The following TECPR2 variants were observed in gnomAD, a reference collection of about 807,000 sequenced individuals.
The protein encoded by TECPR2 is tectonin beta-propeller repeat containing 2.
TECPR2 carries 65 observed loss-of-function variants against 138.1 expected under a neutral mutation model. The ratio of observed to expected loss-of-function variants is 0.47; its 90% CI spans 0.39 to 0.58. The LOEUF is 0.58. TECPR2 is among the 20% of genes least tolerant of loss of function. The pLI, the probability that TECPR2 is intolerant of heterozygous loss-of-function variation, is 0.00. For synonymous variants in TECPR2, 746 were observed against 749.8 expected, an observed-to-expected ratio of 0.99 and a Z score of 0.08; for missense variants, 1,553 against 1,824.5, an observed-to-expected ratio of 0.85 and a Z score of 2.71.
Position 102,465,471 on chromosome 14 carries a change from A to G in TECPR2, c.3789+182A>G, listed in dbSNP as rs1050681785. ...CACAACTGGAATTCGGGATTTGTGA[A>G]GTTTAGAGCTGAACAGACTGTTACA... On this transcript the variant is annotated intron_variant, in intron 17 of 19. Transcript: ENST00000359520. 5.6e-5 allele frequency: 78 copies of G among 1,404,208 alleles called. 1 individual carries two copies. In the African/African-American group the frequency reaches 9.3e-4, roughly 17 times the overall value. The allele number at this position is 1,404,208 out of a possible 1,614,324, so 87.0% of individuals were successfully genotyped here.
rs1567355034 is a variant in TECPR2, at chr14:102,468,763, C to G, written c.3789+3474C>G. On this transcript the variant is annotated intron_variant, in intron 17 of 19. Transcript: ENST00000359520. ...TTAGCTCTTACATTAAGTGCTTCATCCATTTTGAGTTGATTTTTGAATATG... is the reference window on the plus strand; with the variant it reads ...TTAGCTCTTACATTAAGTGCTTCATGCATTTTGAGTTGATTTTTGAATATG... 3.3e-5 allele frequency among the ~76,000 whole-genome samples: 5 copies of G among 152,290 alleles called. No homozygotes were observed. The East Asian group carries it at 9.6e-4, about 29-fold the overall frequency.
intron 2 of TECPR2, among the ~76,000 whole-genome samples, chr14:102,397,131 G>T (rs895153223): frequency 2.0e-5 from 3 of 152,150 alleles, no homozygotes; most frequent in Non-Finnish European, 2.9e-5. Context: ...GCACAGTAAA[G>T]ACCTGAGAAG....
chr14:102,424,582 T>C (rs1190538), intron 5 of TECPR2, among the ~76,000 whole-genome samples: 107,540 of 152,192 alleles, frequency 0.71, 38,227 homozygotes, highest in Middle Eastern at 0.78. Context: ...TGATCTGCCG[T>C]CTTGGCCTCC....
rs147789450 is a variant in TECPR2 at position 102,477,624 on chromosome 14, C to T, written c.3789+12335C>T. ...GGGGTACAGTGGTGCGATCTCGGCT[C>T]ACTGCAAGCTCCGCCTCCTGGGTTC... On this transcript the variant is annotated intron_variant, in intron 17 of 19. Coordinates refer to ENST00000359520, the MANE Select transcript of TECPR2 (RefSeq NM_014844.5). 2.8e-3 allele frequency among the ~76,000 whole-genome samples: 401 copies of T among 144,002 alleles called. 3 individuals are homozygous for T. Among genetic ancestry groups the T allele is most frequent in the African/African-American group, 1.0e-2 (392 of 39,362 alleles). The allele number at this position is 144,002 out of a possible 152,430, so 94.5% of individuals were successfully genotyped here. A position where few individuals can be genotyped will look rare whatever the true frequency, so the allele number is the denominator to read the frequency against.
chr14:102,372,936 TAGTG>T (rs1360567399), intron 1 of TECPR2, among the ~76,000 whole-genome samples: 2 of 152,238 alleles, frequency 1.3e-5, no homozygotes, highest in Middle Eastern at 3.4e-3. Context: ...AACTTTTTGA[TAGTG>T]AGCATTTATA....
intron 17 of TECPR2, among the ~76,000 whole-genome samples, chr14:102,465,832 A>C (rs1890540548): frequency 6.6e-6 from 1 of 152,120 alleles, no homozygotes; most frequent in South Asian, 2.1e-4. Context: ...GCTCACAAGG[A>C]GAAGTCTGAT....
chr14:102,497,748 G>A, intron 19 of TECPR2, 29 bp downstream of exon 19: 1 of 1,567,932 alleles, frequency 6.4e-7, no homozygotes. Flanking sequence ...TGGGCTTAAG[G>A]CCCCTTGGGG....
At chr14:102,452,363 C>T in intron 15 of TECPR2, 31 bp from the exon 16 acceptor site, 3 of 1,590,420 alleles carry the variant, frequency 1.9e-6, no homozygotes, top group South Asian at 1.1e-5. Context: ...GCAGACAACA[C>T]CTCGATGACA....
intron 17 of TECPR2, among the ~76,000 whole-genome samples, chr14:102,470,889 G>A (rs546946985): frequency 1.3e-5 from 2 of 150,900 alleles, no homozygotes; most frequent in African/African-American, 4.9e-5. Context: ...CACGATCTCA[G>A]CTCACTGCAG....
At chr14:102,495,453 T>C (rs1174216233) in intron 17 of TECPR2, among the ~76,000 whole-genome samples, 2 of 152,162 alleles carry the variant, frequency 1.3e-5, no homozygotes, top group East Asian at 3.9e-4. Context: ...AGGCGCAGAT[T>C]TGGGGAAGCG....
In TECPR2 at chr14:102,498,155, A is replaced by G; in HGVS notation, c.4134A>G (p.Gln1378=). ...WAVGPPGYLL[Q]RLTKTFSHSH... is the part of the protein sequence containing the mutation. ...TGGGCCCGCCCGGCTACCTCCTCCA[A>G]CGGCTGACAAAGACGTTCAGCCACT... Residue 1378 remains glutamine (Q), a synonymous_variant, in exon 20 of 20, where the codon CAA becomes CAG. Coordinates refer to ENST00000359520, the MANE Select transcript of TECPR2 (RefSeq NM_014844.5). 6.2e-7 allele frequency: 1 copy of G among 1,613,022 alleles called. No homozygotes were observed. The highest frequency in any genetic ancestry group is 8.5e-7 in the Non-Finnish European group (1 of 1,179,922).
At chr14:102,425,410 CT>C in intron 6 of TECPR2, 119 bp downstream of exon 6, 1 of 1,031,504 alleles carries the variant, frequency 9.7e-7, no homozygotes, top group East Asian at 2.9e-5. Context: ...TTACACTTTA[CT>C]TTTTCCTTTG....
rs770334939 is a variant in TECPR2 at position 102,434,839 on chromosome 14, C to T, written c.2022C>T (p.Pro674=). The T allele has an allele frequency of 1.9e-5, 31 of 1,613,338 alleles. No individual in the cohort carries two copies. Among genetic ancestry groups the T allele is most frequent in the African/African-American group, 2.7e-5 (2 of 74,936 alleles). ...LPGTRADEGS[P]VEPSQEQDIL... ...GGACCAGAGCTGATGAAGGCAGCCC[C>T]GTGGAGCCCAGCCAAGAGCAGGACA... The change falls in exon 9 of 20, where the codon CCC becomes CCT. Residue 674 remains proline (P), a synonymous_variant. Transcript: ENST00000359520.
intron 17 of TECPR2, among the ~76,000 whole-genome samples, chr14:102,474,546 C>A (rs1890715328): frequency 6.6e-6 from 1 of 152,128 alleles, no homozygotes; most frequent in Non-Finnish European, 1.5e-5. Context: ...ATTGCTTAAA[C>A]CCGGGAGGCG....
rs1262711057 is a variant in TECPR2, at chr14:102,502,324, A to C, written c.*4067A>C. The C allele has an allele frequency of 6.6e-6, 1 of 152,648 alleles. No homozygotes were observed. Among genetic ancestry groups the C allele is most frequent in the Non-Finnish European group, 1.5e-5 (1 of 68,038 alleles). The allele number at this position is 152,648 out of a possible 1,614,324, so 9.5% of individuals were successfully genotyped here. ...GAAATTTTTCATAACTCCGGGGAGG[A>C]GCAAGAGGGGTGAAAAGAAACAAGT... On this transcript the variant is annotated 3_prime_UTR_variant, in exon 20 of 20. Transcript: ENST00000359520.
intron 17 of TECPR2, among the ~76,000 whole-genome samples, chr14:102,490,527 G>A (rs893238096): frequency 5.3e-5 from 8 of 152,200 alleles, no homozygotes; most frequent in Non-Finnish European, 7.3e-5. Context: ...TTGAAACCTC[G>A]GTGTATTTTA....
rs534639363 is a variant in TECPR2 at position 102,487,567 on chromosome 14, A to C, written c.3790-9412A>C. Among the ~76,000 whole-genome samples, 8 of 151,946 alleles carry C rather than the reference A, an allele frequency of 5.3e-5. No homozygotes were observed. In the East Asian group the frequency reaches 1.4e-3, roughly 26 times the overall value. On this transcript the variant is annotated intron_variant, in intron 17 of 19. Transcript: ENST00000359520. ...TTTCTTTTCTTTTTTTTTGAGATGG[A>C]GTCTCGCTCTCTCCCCCAAGCTGGA...
Position 102,452,503 on chromosome 14 carries a change from C to T in TECPR2, c.3516C>T (p.Arg1172=), listed in dbSNP as rs774508523. ...TVQLPPEAEM[R]AYAACQDALW... The stretch of plus-strand genomic sequence containing the variant: ...AGCTGCCTCCCGAAGCCGAGATGCG[C>T]GCCTATGCCGCCTGCCAGGATGCGC... The change falls in exon 16 of 20, where the codon CGC becomes CGT. Residue 1172 remains arginine (R), a synonymous_variant. Coordinates refer to ENST00000359520, the MANE Select transcript of TECPR2 (RefSeq NM_014844.5). 1.4e-5 allele frequency: 22 copies of T among 1,612,758 alleles called. No homozygotes were observed. Among genetic ancestry groups the T allele is most frequent in the East Asian group, 2.2e-5 (1 of 44,880 alleles).
intron 2 of TECPR2, among the ~76,000 whole-genome samples, chr14:102,398,346 C>T (rs77893178): frequency 0.01 from 1,580 of 152,000 alleles, 30 homozygotes; most frequent in African/African-American, 0.036. Flanking sequence ...ATGAGCAGAG[C>T]CTAAGGGTCA....
Sources: gnomAD v4.1 joint callset for allele counts (sites outside exome capture counted in the v4.1 genomes callset) on GRCh38, gnomAD v4.1.1 for gene constraint, MANE v1.5 for transcripts, NCBI Gene and HGNC (gene_info 2026-07-23, HGNC 2026-07-21) for gene names.